Variants in LARGE1 observed in about 807,000 individuals in gnomAD.
LARGE1 encodes the protein xylosyl- and glucuronyltransferase LARGE1.
Under a neutral mutation model 87.6 loss-of-function variants are expected in LARGE1, and 43 were observed. The ratio of observed to expected loss-of-function variants is 0.49; its 90% CI spans 0.38 to 0.63. LARGE1 has a LOEUF of 0.63. Among genes scored for constraint, LARGE1 ranks in the 30% least tolerant of loss-of-function variants. The pLI, the probability that LARGE1 is intolerant of heterozygous loss-of-function variation, is 0.00. For missense variants in LARGE1, 802 were observed against 1,000.2 expected (o/e 0.80, Z 2.67); for synonymous variants, 434 against 394.6 (o/e 1.10, Z -1.18).
intron 2 of LARGE1, among the ~76,000 whole-genome samples, chr22:33,657,983 T>C (rs916214252): frequency 6.6e-6 from 1 of 151,594 alleles, no homozygotes; most frequent in African/African-American, 2.4e-5. Flanking sequence ...TAGTTCCATG[T>C]CATCCCAGCA....
At chr22:33,623,084 T>C (rs73398720) in intron 4 of LARGE1, among the ~76,000 whole-genome samples, 6,852 of 151,440 alleles carry the variant, frequency 0.045, 347 homozygotes, top group African/African-American at 0.12. Flanking sequence ...AATTGAGAAA[T>C]AGCGTAATTG....
the LARGE1 span, among the ~76,000 whole-genome samples, chr22:33,093,513 A>C: frequency 6.6e-6 from 1 of 152,168 alleles, no homozygotes; most frequent in Non-Finnish European, 1.5e-5. Flanking sequence ...ACGTAAATGG[A>C]CCCAGGAGAC....
chr22:33,169,022 A>G (rs904680832), intron 11 of LARGE1, among the ~76,000 whole-genome samples: 20 of 152,206 alleles, frequency 1.3e-4, no homozygotes, highest in African/African-American at 4.8e-4. Context: ...ATTGTCAAAG[A>G]TAAGAATAAA....
intron 2 of LARGE1, 21 bp downstream of exon 2, chr22:33,761,350 C>T (rs990105229): frequency 1.9e-6 from 3 of 1,575,438 alleles, no homozygotes; most frequent in Middle Eastern, 1.7e-4. Flanking sequence ...CCTTCCCTCT[C>T]ACTTTGGCTT....
intron 9 of LARGE1, among the ~76,000 whole-genome samples, chr22:33,339,738 G>C (rs923348923): frequency 1.1e-4 from 17 of 152,010 alleles, no homozygotes; most frequent in African/African-American, 2.9e-4. Context: ...GTGCACTCTT[G>C]GCTCACTGCA....
chr22:33,577,305 A>C (rs949568733), intron 5 of LARGE1, among the ~76,000 whole-genome samples: 4 of 152,312 alleles, frequency 2.6e-5, no homozygotes, highest in Admixed American at 2.6e-4. Flanking sequence ...AGGTTAAGAA[A>C]CACCACCCTC....
intron 7 of LARGE1, among the ~76,000 whole-genome samples, chr22:33,405,603 A>AG (rs1244186117): frequency 6.6e-6 from 1 of 152,140 alleles, no homozygotes; most frequent in Admixed American, 6.5e-5. Flanking sequence ...AAGGCACTAC[A>AG]GGGGCAGGAG....
chr22:33,138,572 T>C, the LARGE1 span, among the ~76,000 whole-genome samples: 4 of 152,118 alleles, frequency 2.6e-5, no homozygotes, highest in Admixed American at 1.3e-4. Flanking sequence ...GCCTCCCAAG[T>C]AGCTGAGATT....
intron 14 of LARGE1, among the ~76,000 whole-genome samples, chr22:33,276,481 T>C (rs937343408): frequency 6.6e-6 from 1 of 152,230 alleles, no homozygotes; most frequent in Non-Finnish European, 1.5e-5. Flanking sequence ...ATCTGGTCCT[T>C]TACAGAAAAT....
In LARGE1 at chr22:33,385,724, G is replaced by A. The variant is rs940941474; in HGVS notation, c.893-1420C>T. 3.4e-5 allele frequency among the ~76,000 whole-genome samples: 5 copies of A among 147,944 alleles called. 1 individual carries two copies. Among genetic ancestry groups the A allele is most frequent in the African/African-American group, 1.2e-4 (5 of 40,766 alleles). ...GAGCACGGAACACAAAAAGCCGAGA[G>A]AATTTCCCTGCAGGCCACTGCAGTC... is the stretch of plus-strand genomic sequence containing the variant. On this transcript the variant is annotated intron_variant, in intron 7 of 14. Transcript: ENST00000397394.
chr22:33,089,388 CTCTTCT>C, the LARGE1 span, among the ~76,000 whole-genome samples: 4 of 66,476 alleles, frequency 6.0e-5, no homozygotes, highest in Admixed American at 1.7e-4. Context: ...CTTCTTCTTC[CTCTTCT>C]TCTTCTTTCT....
the LARGE1 span, among the ~76,000 whole-genome samples, chr22:33,080,976 T>TCCAA: frequency 3.3e-5 from 5 of 152,020 alleles, no homozygotes; most frequent in South Asian, 1.0e-3. Context: ...CATCCATCCA[T>TCCAA]CCATCCATCC....
intron 12 of LARGE1, among the ~76,000 whole-genome samples, chr22:33,302,797 G>A (rs759462022): frequency 6.6e-6 from 1 of 152,140 alleles, no homozygotes; most frequent in Non-Finnish European, 1.5e-5. Context: ...GGCTGCAGAC[G>A]CTGGTTCACA....
intron 6 of LARGE1, among the ~76,000 whole-genome samples, chr22:33,542,856 C>G (rs932422764): frequency 1.3e-5 from 2 of 152,094 alleles, no homozygotes; most frequent in African/African-American, 2.4e-5. Flanking sequence ...GGTAGAGGGA[C>G]TCGCCTACAG....
intron 6 of LARGE1, among the ~76,000 whole-genome samples, chr22:33,442,412 G>A (rs76349474): frequency 0.041 from 6,278 of 152,226 alleles, 153 homozygotes; most frequent in South Asian, 0.068. Flanking sequence ...CAAATCTCAC[G>A]GATGCAGCTA....
In LARGE1 at chr22:33,785,068, T is replaced by TATGTGTATACATACATATGTGTATATAC. The variant is rs1569445737; in HGVS notation, c.-82-23538_-82-23511dup. On this transcript the variant is annotated intron_variant, in intron 1 of 14. Coordinates refer to ENST00000397394, the MANE Select transcript of LARGE1 (RefSeq NM_133642.5). ...GTATACATACATGTGTATATAGATA[T>TATGTGTATACATACATATGTGTATATAC]ATGTGTATACATACATATGTGTATA... 5.8e-5 allele frequency among the ~76,000 whole-genome samples: 8 copies of TATGTGTATACATACATATGTGTATATAC among 137,476 alleles called. 1 individual carries two copies. The East Asian group carries it at 1.9e-3, about 32-fold the overall frequency. The allele number at this position is 137,476 out of a possible 152,430, so 90.2% of individuals were successfully genotyped here.
At chr22:33,243,070 T>C (rs1371894114) in intron 11 of LARGE1, among the ~76,000 whole-genome samples, 1 of 152,208 alleles carries the variant, frequency 6.6e-6, no homozygotes, top group Non-Finnish European at 1.5e-5. Flanking sequence ...TAATTCCATC[T>C]ACAATGACTC....
chr22:33,141,209 C>CAT, the LARGE1 span, among the ~76,000 whole-genome samples: 2 of 151,928 alleles, frequency 1.3e-5, no homozygotes, highest in African/African-American at 4.8e-5. Flanking sequence ...CACACACACA[C>CAT]ACACACACAC....
intron 7 of LARGE1, among the ~76,000 whole-genome samples, chr22:33,417,868 G>A (rs2066556085): frequency 6.6e-6 from 1 of 152,188 alleles, no homozygotes. Context: ...ACCAGCAATG[G>A]CAGGTTGAGT....
Sources: allele counts gnomAD v4.1 joint callset (sites outside exome capture counted in the v4.1 genomes callset), GRCh38; gene constraint gnomAD v4.1.1; transcripts MANE v1.5; gene names NCBI Gene and HGNC (gene_info 2026-07-23, HGNC 2026-07-21).